The following DEPDC4 variants were observed in gnomAD, a reference collection of about 807,000 sequenced individuals.
DEPDC4 encodes the protein DEP domain-containing protein 4.
In DEPDC4, 52 loss-of-function variants were observed where a neutral mutation model predicts 52.0. That is an observed-to-expected ratio of 1.00 (90% CI 0.80 to 1.26). The LOEUF is 1.26. DEPDC4 is among the 50% of genes most tolerant of loss of function. The pLI, the probability that DEPDC4 is intolerant of heterozygous loss-of-function variation, is 0.00. For missense variants in DEPDC4, 530 were observed against 546.9 expected, an observed-to-expected ratio of 0.97 and a Z score of 0.31; for synonymous variants, 201 against 196.8, an observed-to-expected ratio of 1.02 and a Z score of -0.18.
At chr12:100,261,023 A>C (rs1023183075) in intron 3 of DEPDC4, among the ~76,000 whole-genome samples, 1 of 152,040 alleles carries the variant, frequency 6.6e-6, no homozygotes, top group Admixed American at 6.6e-5. Context: ...CTACTAAAAA[A>C]TACAAAAATT....
chr12:100,279,527 A>G, the DEPDC4 span, among the ~76,000 whole-genome samples: 2 of 152,184 alleles, frequency 1.3e-5, no homozygotes, highest in East Asian at 3.8e-4. Context: ...TACATTGTTT[A>G]GTATCTGAAT....
At chr12:100,244,123 A>G (rs2096174030) in intron 8 of DEPDC4, among the ~76,000 whole-genome samples, 1 of 131,318 alleles carries the variant, frequency 7.6e-6, no homozygotes, top group Admixed American at 7.8e-5. Flanking sequence ...ATATATATAT[A>G]TATATATATA....
At chr12:100,258,122 C>A (rs569737670) in intron 3 of DEPDC4, among the ~76,000 whole-genome samples, 3 of 151,460 alleles carry the variant, frequency 2.0e-5, no homozygotes, top group Admixed American at 6.6e-5. Context: ...TAAAAGTAAC[C>A]AAAACAAGCA....
In DEPDC4 at chr12:100,248,123, T is replaced by C. The variant is rs141948205; in HGVS notation, c.1453+777A>G. Among the ~76,000 whole-genome samples the C allele has an allele frequency of 4.6e-5, 7 of 152,310 alleles. No homozygotes were observed. The East Asian group carries it at 1.2e-3, about 25-fold the overall frequency. On this transcript the variant is annotated intron_variant, in intron 8 of 9. Transcript: ENST00000550587. ...GACACATAGTAGGGCTCAGTATATGTGTCAGCTAATGTCATATTCAGATAT... is the reference window on the plus strand; with the variant it reads ...GACACATAGTAGGGCTCAGTATATGCGTCAGCTAATGTCATATTCAGATAT...
chr12:100,277,782 C>G, the DEPDC4 span, among the ~76,000 whole-genome samples: 1 of 151,936 alleles, frequency 6.6e-6, no homozygotes, highest in Non-Finnish European at 1.5e-5. Flanking sequence ...TTTGTTCCTT[C>G]CTCTTTTCCG....
the DEPDC4 span, among the ~76,000 whole-genome samples, chr12:100,273,295 A>G: frequency 6.6e-6 from 1 of 151,158 alleles, no homozygotes; most frequent in Non-Finnish European, 1.5e-5. Flanking sequence ...TATCCAGTTT[A>G]CTCCTCTAGC....
At chr12:100,249,116 G>T in intron 7 of DEPDC4, 138 bp from the exon 8 acceptor site, 1 of 183,010 alleles carries the variant, frequency 5.5e-6, no homozygotes, top group Non-Finnish European at 1.0e-5. Flanking sequence ...AAGGGTGGGT[G>T]GTAGAAGGCC....
chr12:100,278,554 A>G, the DEPDC4 span, among the ~76,000 whole-genome samples: 25 of 151,532 alleles, frequency 1.6e-4, no homozygotes, highest in Non-Finnish European at 3.7e-4. Context: ...CTAGGCTGAC[A>G]GTTTCGTTTA....
rs1373142438 is a variant in DEPDC4 at position 100,241,456 on chromosome 12, A to C, written c.*436T>G. Among the ~76,000 whole-genome samples, 1 of 152,162 alleles carries C rather than the reference A, an allele frequency of 6.6e-6. No individual in the cohort carries two copies. The highest frequency in any genetic ancestry group is 2.4e-5 in the African/African-American group (1 of 41,448). ...CTCATGCCTATAATCCCAGCACTTT[A>C]AGAGGCCAAGGCAGGAGGATGACTT... On this transcript the variant is annotated 3_prime_UTR_variant, in exon 10 of 10. Coordinates refer to ENST00000550587, the MANE Select transcript of DEPDC4 (RefSeq NM_001364818.2).
upstream of DEPDC4, chr12:100,267,241 G>T: frequency 2.8e-6 from 2 of 711,058 alleles, no homozygotes; most frequent in Non-Finnish European, 4.5e-6. Flanking sequence ...TTTCCTTCTA[G>T]CTCCGACGTT....
intron 8 of DEPDC4, 62 bp from the exon 9 acceptor site, chr12:100,242,631 ACC>A (rs2096164492): frequency 6.5e-6 from 1 of 154,766 alleles, no homozygotes; most frequent in Non-Finnish European, 1.5e-5. Context: ...TAGGATCTGA[ACC>A]CAGGGTTGTC....
intron 3 of DEPDC4, 32 bp downstream of exon 3, chr12:100,262,232 C>T (rs1363147462): frequency 6.3e-7 from 1 of 1,588,904 alleles, no homozygotes; most frequent in African/African-American, 1.4e-5. Flanking sequence ...TCTTCCTTAC[C>T]ATGTTCTGAA....
Position 100,241,639 on chromosome 12 carries a change from T to G in DEPDC4, c.*253A>C, listed in dbSNP as rs1382103184. On this transcript the variant is annotated 3_prime_UTR_variant, in exon 10 of 10. Coordinates refer to ENST00000550587, the MANE Select transcript of DEPDC4 (RefSeq NM_001364818.2). The stretch of plus-strand genomic sequence containing the variant: ...AAAACCACCAGAGAATTGTTTATAT[T>G]TACAAATTGTAGTTTCTTGTATCAG... 1 of 1,159,954 alleles carries G rather than the reference T, an allele frequency of 8.6e-7. No individual in the cohort carries two copies. The highest frequency in any genetic ancestry group is 1.6e-5 in the African/African-American group (1 of 60,864). The allele number at this position is 1,159,954 out of a possible 1,614,324, so 71.9% of individuals were successfully genotyped here.
chr12:100,272,970 A>G, the DEPDC4 span, among the ~76,000 whole-genome samples: 1 of 151,964 alleles, frequency 6.6e-6, no homozygotes, highest in East Asian at 1.9e-4. Flanking sequence ...CCTTGACCAT[A>G]TTTCCTTTAT....
At chr12:100,260,837 A>G (rs1364534316) in intron 3 of DEPDC4, among the ~76,000 whole-genome samples, 1 of 151,916 alleles carries the variant, frequency 6.6e-6, no homozygotes, top group Non-Finnish European at 1.5e-5. Context: ...CAGAGTTTAC[A>G]GTGAGCTGAG....
chr12:100,266,432 C>T (rs1289292964), intron 1 of DEPDC4, among the ~76,000 whole-genome samples: 1 of 152,102 alleles, frequency 6.6e-6, no homozygotes, highest in South Asian at 2.1e-4. Context: ...GTGGAAAATA[C>T]AGCGGTACAG....
At chr12:100,259,942 T>C (rs1430261879) in intron 3 of DEPDC4, among the ~76,000 whole-genome samples, 5 of 145,536 alleles carry the variant, frequency 3.4e-5, no homozygotes, top group Non-Finnish European at 6.1e-5. Context: ...TTCCCTCCTA[T>C]GTCTTTTTTT....
chr12:100,261,790 A>C (rs995842433), intron 3 of DEPDC4: 11 of 456,620 alleles, frequency 2.4e-5, no homozygotes, highest in African/African-American at 2.2e-4. Context: ...AGAAGGAGGG[A>C]GTCAACACAC....
chr12:100,256,059 A>G lies in DEPDC4; in HGVS notation c.868T>C (p.Cys290Arg), dbSNP rs1430799210. The change falls in exon 4 of 10, where the codon TGT (cysteine) becomes CGT (arginine). Residue 290 changes from cysteine (C) to arginine (R), a missense_variant. Transcript: ENST00000550587. ...CLDRELIPSL[C>R]LPEIDNWLNA... is the part of the protein sequence containing the mutation. Reference sequence around the variant, plus strand: ...AAAATGGTCACTTACTCAGGTAGACATAAGCTTGGAATAAGTTCTCTGTCT... The same window carrying G: ...AAAATGGTCACTTACTCAGGTAGACGTAAGCTTGGAATAAGTTCTCTGTCT... 9 of 1,601,100 alleles carry G rather than the reference A, an allele frequency of 5.6e-6. No individual in the cohort carries two copies. Among genetic ancestry groups the G allele is most frequent in the Non-Finnish European group, 7.7e-6 (9 of 1,173,312 alleles).
Sources: allele counts gnomAD v4.1 joint callset (sites outside exome capture counted in the v4.1 genomes callset), GRCh38; gene constraint gnomAD v4.1.1; transcripts MANE v1.5; gene names NCBI Gene and HGNC (gene_info 2026-07-23, HGNC 2026-07-21).